Variants in PPP2R5C observed in about 807,000 individuals in gnomAD.
The protein encoded by PPP2R5C is protein phosphatase 2 regulatory subunit B'gamma, also known as serine/threonine-protein phosphatase 2A 56 kDa regulatory subunit gamma isoform.
PPP2R5C carries 7 observed loss-of-function variants against 68.9 expected under a neutral mutation model. That is an observed-to-expected ratio of 0.10 (90% CI 0.06 to 0.19). The LOEUF (loss-of-function observed/expected upper bound fraction) is 0.19. Ranked by LOEUF, PPP2R5C falls within the 10% of genes least tolerant of loss-of-function variation. PPP2R5C has a pLI of 1.00. For missense variants in PPP2R5C, 348 were observed against 641.3 expected (o/e 0.54, Z 4.94); for synonymous variants, 210 against 222.2 (o/e 0.95, Z 0.49).
In PPP2R5C at chr14:101,797,636, C is replaced by T. The variant is rs67004399; in HGVS notation, c.259+11453C>T. ...GGCTCCTGACTCACTTGACCTACTG[C>T]GTAGGCTCCTAAAAGGGTGTCGGCA... On this transcript the variant is annotated intron_variant, in intron 3 of 14. Transcript: ENST00000328724. The surrounding 1 kb of genome is among the most constrained non-coding windows in gnomAD (Gnocchi z 4.2). 0.17 allele frequency: 34,058 copies of T among 200,618 alleles called. 3,570 individuals are homozygous for T. The highest frequency in any genetic ancestry group is 0.3 in the African/African-American group (12,809 of 43,174). The allele number at this position is 200,618 out of a possible 1,614,324, so 12.4% of individuals were successfully genotyped here.
At chr14:101,840,265 C>G (rs1161850084) in intron 1 of PPP2R5C, among the ~76,000 whole-genome samples, 2 of 151,974 alleles carry the variant, frequency 1.3e-5, no homozygotes, top group African/African-American at 4.8e-5. Context: ...GCTGCTGGCA[C>G]TCAAGTTCCT....
intron 12 of PPP2R5C, chr14:101,914,436 A>G (rs2046551364): frequency 4.5e-6 from 1 of 222,748 alleles, no homozygotes; most frequent in Non-Finnish European, 9.3e-6. Context: ...TCCCATTACA[A>G]CAGCAACAAA....
intron 2 of PPP2R5C, among the ~76,000 whole-genome samples, chr14:101,773,873 T>A (rs2037278832): frequency 6.6e-6 from 1 of 152,196 alleles, no homozygotes; most frequent in African/African-American, 2.4e-5. Flanking sequence ...TTTGGATTTT[T>A]TTGTAGAGAA....
chr14:101,763,539 CG>C (rs1205195707), intron 2 of PPP2R5C, among the ~76,000 whole-genome samples: 6 of 152,130 alleles, frequency 3.9e-5, no homozygotes, highest in Non-Finnish European at 7.4e-5. Flanking sequence ...CCCGCTACCA[CG>C]CCCGGCTAAT....
chr14:101,882,403 T>A lies in PPP2R5C; in HGVS notation c.405+132T>A, dbSNP rs2044220903. 1 of 576,068 alleles carries A rather than the reference T, an allele frequency of 1.7e-6. No individual in the cohort carries two copies. The allele number at this position is 576,068 out of a possible 1,614,324, so 35.7% of individuals were successfully genotyped here. A position where few individuals can be genotyped will look rare whatever the true frequency, so the allele number is the denominator to read the frequency against. ...CAGTAGCATGGGCCTCGTAAACCCA[T>A]ATGTACAAGAAAAATATTTCAGCAG... On this transcript the variant is annotated intron_variant, in intron 3 of 13. Transcript: ENST00000334743. The surrounding 1 kb of genome is among the most constrained non-coding windows in gnomAD (Gnocchi z 4.9).
intron 1 of PPP2R5C, among the ~76,000 whole-genome samples, chr14:101,854,367 A>T (rs1698562203): frequency 6.6e-6 from 1 of 152,236 alleles, no homozygotes; most frequent in East Asian, 1.9e-4. Context: ...GCCTTTGGGC[A>T]TATAGAGAAC....
Position 101,877,979 on chromosome 14 carries a change from G to A in PPP2R5C, c.295-4182G>A, listed in dbSNP as rs2043895882. Among the ~76,000 whole-genome samples the A allele has an allele frequency of 6.6e-6, 1 of 152,230 alleles. No individual in the cohort carries two copies. The highest frequency in any genetic ancestry group is 6.5e-5 in the Admixed American group (1 of 15,290). On this transcript the variant is annotated intron_variant, in intron 2 of 13. Coordinates refer to ENST00000334743, the Ensembl canonical transcript of PPP2R5C. The surrounding 1 kb of genome is among the most constrained non-coding windows in gnomAD (Gnocchi z 4.2). ...CCACAGGCTGGTGGCTTAAACCACA[G>A]AAATGTGTCTTCTCTCCATTCTAGA...
In PPP2R5C at chr14:101,917,257, G is replaced by A. The variant is rs537540643; in HGVS notation, c.1327-574G>A. Among the ~76,000 whole-genome samples the A allele has an allele frequency of 1.3e-5, 2 of 152,280 alleles. No individual in the cohort carries two copies. Among genetic ancestry groups the A allele is most frequent in the South Asian group, 4.1e-4 (2 of 4,826 alleles). On this transcript the variant is annotated intron_variant, in intron 12 of 13. Coordinates refer to ENST00000334743, the Ensembl canonical transcript of PPP2R5C. The surrounding 1 kb of genome is among the most constrained non-coding windows in gnomAD (Gnocchi z 4.4). ...CGCCCGTAGGGAATGGAGAGGGAGCGTCAGGCTCACCCAGGCTGCGTTTGT... is the reference window on the plus strand; with the variant it reads ...CGCCCGTAGGGAATGGAGAGGGAGCATCAGGCTCACCCAGGCTGCGTTTGT...
At chr14:101,878,035 A>G (rs191770616) in intron 2 of PPP2R5C, among the ~76,000 whole-genome samples, 1 of 152,302 alleles carries the variant, frequency 6.6e-6, no homozygotes, top group Admixed American at 6.5e-5. Flanking sequence ...AGGGTGTAGC[A>G]GGGTTTGTTC....
At chr14:101,867,527 C>T (rs1212757235) in intron 2 of PPP2R5C, among the ~76,000 whole-genome samples, 1 of 152,148 alleles carries the variant, frequency 6.6e-6, no homozygotes, top group African/African-American at 2.4e-5. Context: ...CCTGTAATCC[C>T]AGCACTTTGG....
intron 13 of PPP2R5C, among the ~76,000 whole-genome samples, chr14:101,924,002 C>T (rs566533974): frequency 1.8e-4 from 28 of 152,308 alleles, no homozygotes; most frequent in African/African-American, 6.3e-4. Flanking sequence ...TTTCAATACA[C>T]TGAACAAAAA....
Position 101,920,305 on chromosome 14 carries a change from C to T in PPP2R5C, c.1443+2358C>T, listed in dbSNP as rs145221458. Among the ~76,000 whole-genome samples the T allele has an allele frequency of 3.9e-3, 593 of 152,324 alleles. 5 individuals are homozygous for T. The highest frequency in any genetic ancestry group is 0.013 in the African/African-American group (553 of 41,576). Reference sequence around the variant, plus strand: ...TGTCCACTGCCCTTAGAAAGGGGCACGTCCCCTCCTGGGAGGGTTACCTTA... The same window carrying T: ...TGTCCACTGCCCTTAGAAAGGGGCATGTCCCCTCCTGGGAGGGTTACCTTA... On this transcript the variant is annotated intron_variant, in intron 13 of 13. Coordinates refer to ENST00000334743, the Ensembl canonical transcript of PPP2R5C.
At chr14:101,842,041 C>G (rs1044033322) in intron 1 of PPP2R5C, among the ~76,000 whole-genome samples, 3 of 152,180 alleles carry the variant, frequency 2.0e-5, no homozygotes, top group Admixed American at 6.5e-5. Context: ...CCACCAAACC[C>G]TGCTGTGTCA....
intron 3 of PPP2R5C, among the ~76,000 whole-genome samples, chr14:101,792,887 T>C (rs2038425288): frequency 2.0e-5 from 3 of 151,574 alleles, no homozygotes; most frequent in South Asian, 4.2e-4. Flanking sequence ...TCTTTTCTTT[T>C]TTTTTTTTTT....
chr14:101,793,827 G>A (rs1351610182), intron 3 of PPP2R5C, among the ~76,000 whole-genome samples: 1 of 152,168 alleles, frequency 6.6e-6, no homozygotes, highest in African/African-American at 2.4e-5. Flanking sequence ...GCTCTCAGTG[G>A]GAAGGGAAGC....
At chr14:101,804,650 T>G (rs1049665806) in intron 3 of PPP2R5C, among the ~76,000 whole-genome samples, 1 of 152,034 alleles carries the variant, frequency 6.6e-6, no homozygotes. Context: ...CACATATTCA[T>G]GGGATCTAAA....
At position 101,899,935 on chromosome 14, in the gene PPP2R5C, G is replaced by T. The variant is rs1332385442; in HGVS notation, c.853-1784G>T. ...GTTTTTGTTTGTTTGTTAGATTCTT[G>T]GAGTACAGTGGCGCAGTCATGGCTC... On this transcript the variant is annotated intron_variant, in intron 8 of 13. Coordinates refer to ENST00000334743, the Ensembl canonical transcript of PPP2R5C. The surrounding 1 kb of genome is among the most constrained non-coding windows in gnomAD (Gnocchi z 4.2). Among the ~76,000 whole-genome samples, 2 of 151,806 alleles carry T rather than the reference G, an allele frequency of 1.3e-5. No individual in the cohort carries two copies. The highest frequency in any genetic ancestry group is 2.9e-5 in the Non-Finnish European group (2 of 67,978).
intron 1 of PPP2R5C, chr14:101,821,218 T>G (rs895298300): frequency 6.6e-6 from 1 of 152,154 alleles, no homozygotes; most frequent in African/African-American, 2.4e-5. Context: ...CTTGCCTTGG[T>G]CAGTTTCCTT....
At chr14:101,892,938 A>G in intron 6 of PPP2R5C, 62 bp from the exon 9 acceptor site, 1 of 1,260,918 alleles carries the variant, frequency 7.9e-7, no homozygotes. Context: ...AAAGACGGCA[A>G]GATATTTGTT....
Sources: gnomAD v4.1 joint callset for allele counts (sites outside exome capture counted in the v4.1 genomes callset) on GRCh38, gnomAD v4.1.1 for gene constraint, Gnocchi (gnomAD v3.1) non-coding constraint, MANE v1.5 for transcripts, NCBI Gene and HGNC (gene_info 2026-07-23, HGNC 2026-07-21) for gene names.